Variants in DOCK10 observed in about 807,000 individuals in gnomAD.
DOCK10 encodes the protein dedicator of cytokinesis 10, also known as dedicator of cytokinesis protein 10.
In DOCK10, 145 loss-of-function variants were observed where a neutral mutation model predicts 280.1. That is an observed-to-expected ratio of 0.52 (90% CI 0.45 to 0.59). DOCK10 has a LOEUF of 0.59. DOCK10 is among the 20% of genes least tolerant of loss of function. The pLI, the probability that DOCK10 is intolerant of heterozygous loss-of-function variation, is 0.00. For missense variants in DOCK10, 2,368 were observed against 2,651.7 expected (o/e 0.89, Z 2.35); for synonymous variants, 915 against 942.2 (o/e 0.97, Z 0.53).
intron 1 of DOCK10, among the ~76,000 whole-genome samples, chr2:225,012,118 T>C (rs2126299275): frequency 6.6e-6 from 1 of 152,228 alleles, no homozygotes; most frequent in South Asian, 2.1e-4. Flanking sequence ...GAATTTGAAA[T>C]CCATAAGCAG....
intron 1 of DOCK10, among the ~76,000 whole-genome samples, chr2:225,035,559 TATATATATATATA>T (rs1341894626): frequency 2.1e-5 from 1 of 46,946 alleles, no homozygotes; most frequent in Non-Finnish European, 5.0e-5. Context: ...TATATATATA[TATATATATATATA>T]TATATATATA....
In DOCK10 at chr2:225,042,251, C is replaced by T; in HGVS notation, c.123+1G>A. The T allele has an allele frequency of 7.7e-7, 1 of 1,296,306 alleles. No individual in the cohort carries two copies. The highest frequency in any genetic ancestry group is 3.2e-5 in the East Asian group (1 of 31,660). 80.3% of individuals were successfully genotyped at this position (1,296,306 alleles called of 1,614,324 possible). A position where few individuals can be genotyped will look rare whatever the true frequency, so the allele number is the denominator to read the frequency against. ...AGGCGCGGAGGACGCGCCGCACTCA[C>T]CCGCTGCTGCTGCCGGCTGCTGACT... On this transcript the variant is annotated splice_donor_variant, in intron 1 of 55. Transcript: ENST00000258390. LOFTEE classifies it high-confidence loss of function. This position sits in a 1 kb window ranked among gnomAD's most constrained non-coding sequence, Gnocchi z 5.1.
Position 224,874,617 on chromosome 2 carries a change from T to C in DOCK10, c.1017+49A>G, listed in dbSNP as rs1028709872. On this transcript the variant is annotated intron_variant, in intron 9 of 55. Transcript: ENST00000258390. ...ACGTCTTTTCCATGAAAGCAATAAC[T>C]AACAAATAATTCAAATTGGTTTTGC... The C allele has an allele frequency of 2.0e-6, 3 of 1,527,486 alleles. No homozygotes were observed. The African/African-American group carries it at 4.1e-5, about 21-fold the overall frequency. 94.6% of individuals were successfully genotyped at this position (1,527,486 alleles called of 1,614,324 possible). A position where few individuals can be genotyped will look rare whatever the true frequency, so the allele number is the denominator to read the frequency against.
intron 2 of DOCK10, among the ~76,000 whole-genome samples, chr2:224,930,200 T>TA (rs749672431): frequency 0.041 from 3,782 of 92,046 alleles, 94 homozygotes; most frequent in African/African-American, 0.063. Flanking sequence ...TGACACTCGG[T>TA]AAAAAAAAAA....
chr2:224,857,900 T>C (rs1375980950), intron 14 of DOCK10, among the ~76,000 whole-genome samples: 4 of 152,176 alleles, frequency 2.6e-5, no homozygotes, highest in Admixed American at 6.5e-5. Flanking sequence ...TAAATAGCTT[T>C]AGTGTTAAAT....
chr2:224,833,525 G>GAT (rs1474758552), intron 26 of DOCK10, among the ~76,000 whole-genome samples: 3 of 150,802 alleles, frequency 2.0e-5, no homozygotes, highest in African/African-American at 7.3e-5. Context: ...TCCTCCATCA[G>GAT]ATATCCTGAC....
At chr2:224,944,086 A>T (rs556366694) in intron 1 of DOCK10, among the ~76,000 whole-genome samples, 1 of 152,128 alleles carries the variant, frequency 6.6e-6, no homozygotes, top group Non-Finnish European at 1.5e-5. Context: ...GAAAGCTTAG[A>T]TGAATGTGCT....
chr2:225,014,691 T>C (rs964899604), intron 1 of DOCK10, among the ~76,000 whole-genome samples: 3 of 152,170 alleles, frequency 2.0e-5, no homozygotes, highest in African/African-American at 7.2e-5. Context: ...AGTTTTAATA[T>C]GGCTAAATTT....
At chr2:224,922,366 TTTCCTG>T (rs1169772272) in intron 2 of DOCK10, among the ~76,000 whole-genome samples, 2 of 152,188 alleles carry the variant, frequency 1.3e-5, no homozygotes, top group African/African-American at 4.8e-5. Context: ...CCACAAGAGA[TTTCCTG>T]TTCTCTTTTA....
chr2:224,805,044 A>G lies in DOCK10; in HGVS notation c.4118+14T>C. On this transcript the variant is annotated intron_variant, in intron 37 of 55. Coordinates refer to ENST00000258390, the MANE Select transcript of DOCK10 (RefSeq NM_014689.3). This position sits in a 1 kb window ranked among gnomAD's most constrained non-coding sequence, Gnocchi z 4.3. ...TCCAGAAAAAAGTGTTAAGTCATCA[A>G]CTCTAAAACTTACTCCAAGATGCTG... 3 of 1,595,880 alleles carry G rather than the reference A, an allele frequency of 1.9e-6. No individual in the cohort carries two copies. The highest frequency in any genetic ancestry group is 1.1e-5 in the South Asian group (1 of 87,522).
At chr2:224,941,001 AAC>A (rs1437248365) in intron 1 of DOCK10, among the ~76,000 whole-genome samples, 23 of 152,306 alleles carry the variant, frequency 1.5e-4, no homozygotes, top group Admixed American at 1.4e-3. Context: ...TTGTAGAAAT[AAC>A]AGTCACACCA....
At chr2:224,907,722 T>C (rs913582525) in intron 3 of DOCK10, among the ~76,000 whole-genome samples, 42 of 150,858 alleles carry the variant, frequency 2.8e-4, no homozygotes, top group African/African-American at 7.8e-4. Context: ...GGTTTGGCCA[T>C]GAAAAGAAAA....
At position 224,792,978 on chromosome 2, in the gene DOCK10, T is replaced by C. The variant is rs749153667; in HGVS notation, c.5307A>G (p.Gly1769=). The C allele has an allele frequency of 1.2e-6, 2 of 1,611,140 alleles. No individual in the cohort carries two copies. The highest frequency in any genetic ancestry group is 3.3e-5 in the Admixed American group (2 of 59,912). ...DSNSLLTTPS[G]GSMFSMGWPA... is the part of the protein sequence containing the mutation. ...ATGAGCAGTTAGGTCACTCACTTCC[T>C]CCACTGGGAGTTGTTAGTAATGAGT... The change falls in exon 47 of 56, where the codon GGA becomes GGG. Residue 1769 remains glycine, a synonymous_variant. Transcript: ENST00000258390.
chr2:224,987,269 T>G (rs1449312644), intron 1 of DOCK10, among the ~76,000 whole-genome samples: 1 of 152,214 alleles, frequency 6.6e-6, no homozygotes, highest in African/African-American at 2.4e-5. Context: ...TCACATTGAT[T>G]AATAACTAAA....
At chr2:225,001,289 C>CTTTTTTTT (rs141808105) in intron 1 of DOCK10, among the ~76,000 whole-genome samples, 7 of 128,244 alleles carry the variant, frequency 5.5e-5, no homozygotes, top group African/African-American at 2.0e-4. Flanking sequence ...TACAACAGAC[C>CTTTTTTTT]TTTTTTTTTT....
intron 1 of DOCK10, among the ~76,000 whole-genome samples, chr2:225,003,916 T>C (rs1472243505): frequency 6.6e-6 from 1 of 152,222 alleles, no homozygotes; most frequent in African/African-American, 2.4e-5. Context: ...CTCACTGTTA[T>C]GTTAAATGTA....
At chr2:224,791,179 A>G (rs1182739463) in intron 47 of DOCK10, among the ~76,000 whole-genome samples, 1 of 152,120 alleles carries the variant, frequency 6.6e-6, no homozygotes, top group Non-Finnish European at 1.5e-5. Context: ...GTTTTCTTCA[A>G]TTTTGTTCTT....
At chr2:224,872,836 G>A (rs1698373575) in intron 11 of DOCK10, among the ~76,000 whole-genome samples, 1 of 151,884 alleles carries the variant, frequency 6.6e-6, no homozygotes, top group South Asian at 2.1e-4. Flanking sequence ...AATTTGAACA[G>A]AACGCATTAA....
chr2:224,818,405 T>TTG (rs1341671430), intron 29 of DOCK10, among the ~76,000 whole-genome samples: 1 of 150,468 alleles, frequency 6.6e-6, no homozygotes, highest in African/African-American at 2.5e-5. Flanking sequence ...TGCCTTTTTT[T>TTG]TTTTTTTTTT....
Sources: gnomAD v4.1 joint callset for allele counts (sites outside exome capture counted in the v4.1 genomes callset) on GRCh38, gnomAD v4.1.1 for gene constraint, Gnocchi (gnomAD v3.1) non-coding constraint, MANE v1.5 for transcripts, NCBI Gene and HGNC (gene_info 2026-07-23, HGNC 2026-07-21) for gene names.